Variants in CNTNAP5 observed in about 807,000 individuals in gnomAD.
The protein encoded by CNTNAP5 is contactin-associated protein-like 5.
Under a neutral mutation model 150.2 loss-of-function variants are expected in CNTNAP5, and 72 were observed. The ratio of observed to expected loss-of-function variants is 0.48; its 90% CI spans 0.40 to 0.58. The LOEUF (loss-of-function observed/expected upper bound fraction) is 0.58, where lower values mean the gene tolerates loss of function less well. CNTNAP5 is among the 20% of genes least tolerant of loss of function. CNTNAP5 has a pLI of 0.00. For synonymous variants in CNTNAP5, 672 were observed against 619.8 expected, an observed-to-expected ratio of 1.08 and a Z score of -1.25; for missense variants, 1,636 against 1,626.2, an observed-to-expected ratio of 1.01 and a Z score of -0.10.
At position 124,046,866 on chromosome 2, in the gene CNTNAP5, G is replaced by A. The variant is rs527501182; in HGVS notation, c.82+21134G>A. On this transcript the variant is annotated intron_variant, in intron 1 of 23. Transcript: ENST00000682447. ...AGGAAGTGAAGAAAGGCTGAGGCTG[G>A]ACTGGGAAAGGAGATGTAGCCTTGG... Among the ~76,000 whole-genome samples the A allele has an allele frequency of 2.5e-4, 38 of 152,298 alleles. No homozygotes were observed. In the South Asian group the frequency reaches 7.5e-3, roughly 30 times the overall value.
chr2:124,175,220 G>A (rs937432384), intron 1 of CNTNAP5, among the ~76,000 whole-genome samples: 1 of 152,090 alleles, frequency 6.6e-6, no homozygotes, highest in Middle Eastern at 3.2e-3. Context: ...ACACAAGTGG[G>A]ATCTACACAT....
chr2:124,205,813 C>T (rs924398815), intron 1 of CNTNAP5, among the ~76,000 whole-genome samples: 6 of 152,160 alleles, frequency 3.9e-5, no homozygotes, highest in Admixed American at 2.0e-4. Context: ...TTGCTGCCTC[C>T]TTTTTTTCTC....
chr2:124,291,187 A>C (rs2104634034), intron 3 of CNTNAP5, among the ~76,000 whole-genome samples: 1 of 152,224 alleles, frequency 6.6e-6, no homozygotes, highest in African/African-American at 2.4e-5. Flanking sequence ...AAATTGGCAA[A>C]GAGAAAACGG....
At chr2:124,505,601 G>A (rs1019680826) in intron 8 of CNTNAP5, among the ~76,000 whole-genome samples, 113 of 152,216 alleles carry the variant, frequency 7.4e-4, no homozygotes, top group African/African-American at 2.7e-3. Context: ...AGATCTTACT[G>A]CCTAGCAATA....
intron 3 of CNTNAP5, among the ~76,000 whole-genome samples, chr2:124,244,311 G>T (rs368101162): frequency 1.8e-4 from 28 of 152,178 alleles, no homozygotes; most frequent in African/African-American, 6.7e-4. Context: ...TTTAGCCCCT[G>T]TGCCCGGTAT....
At chr2:124,174,630 G>T (rs1685018365) in intron 1 of CNTNAP5, among the ~76,000 whole-genome samples, 1 of 152,128 alleles carries the variant, frequency 6.6e-6, no homozygotes, top group Admixed American at 6.5e-5. Context: ...ACTTATGGAT[G>T]AGCAAAAAAA....
At chr2:124,825,189 C>A (rs1682567815) in intron 19 of CNTNAP5, among the ~76,000 whole-genome samples, 2 of 152,126 alleles carry the variant, frequency 1.3e-5, no homozygotes, top group Non-Finnish European at 2.9e-5. Context: ...ACTCTATTTT[C>A]TTGTATACAA....
chr2:124,146,247 C>G (rs550240075), intron 1 of CNTNAP5, among the ~76,000 whole-genome samples: 1 of 152,324 alleles, frequency 6.6e-6, no homozygotes, highest in South Asian at 2.1e-4. Context: ...AGATGCCTAA[C>G]TGTGCCAAAA....
intron 11 of CNTNAP5, among the ~76,000 whole-genome samples, chr2:124,582,620 G>T (rs1163905024): frequency 6.6e-6 from 1 of 152,134 alleles, no homozygotes; most frequent in South Asian, 2.1e-4. Context: ...CTGATGGCCT[G>T]CTCAGGCTCT....
At chr2:124,040,541 CAT>C (rs35083154) in intron 1 of CNTNAP5, among the ~76,000 whole-genome samples, 1 of 150,972 alleles carries the variant, frequency 6.6e-6, no homozygotes, top group African/African-American at 2.4e-5. Context: ...TGTGTTTGTA[CAT>C]ATATATATGT....
chr2:124,064,509 T>G (rs1326999169), intron 1 of CNTNAP5, among the ~76,000 whole-genome samples: 1 of 152,156 alleles, frequency 6.6e-6, no homozygotes, highest in Non-Finnish European at 1.5e-5. Context: ...CATACCTGGA[T>G]CACTATTGTG....
At chr2:124,544,836 T>C (rs1398111452) in intron 10 of CNTNAP5, among the ~76,000 whole-genome samples, 3 of 152,190 alleles carry the variant, frequency 2.0e-5, no homozygotes, top group Non-Finnish European at 4.4e-5. Flanking sequence ...AATTCAGATC[T>C]GGTGTGGTAG....
intron 3 of CNTNAP5, among the ~76,000 whole-genome samples, chr2:124,312,559 ATTTGTTTG>A (rs758725424): frequency 0.013 from 1,892 of 144,748 alleles, 40 homozygotes; most frequent in African/African-American, 0.044. Flanking sequence ...TTGTTTGTTT[ATTTGTTTG>A]TTTGTTTGTT....
chr2:124,452,009 G>A (rs72843146), intron 6 of CNTNAP5, among the ~76,000 whole-genome samples: 11,346 of 152,098 alleles, frequency 0.075, 569 homozygotes, highest in Middle Eastern at 0.12. Flanking sequence ...GGTGAACTTC[G>A]TAACAATTTG....
In CNTNAP5 at chr2:124,232,979, C is replaced by T. The variant is rs58586322; in HGVS notation, c.188-9221C>T. Reference sequence around the variant, plus strand: ...TCCAGAACAGGGTGGTTACAAGATCCTTTACCCTATAATACTTTATTAAGC... The same window carrying T: ...TCCAGAACAGGGTGGTTACAAGATCTTTTACCCTATAATACTTTATTAAGC... On this transcript the variant is annotated intron_variant, in intron 2 of 23. Transcript: ENST00000682447. 8.4e-3 allele frequency among the ~76,000 whole-genome samples: 1,272 copies of T among 151,094 alleles called. 17 individuals carry two copies. The highest frequency in any genetic ancestry group is 0.029 in the African/African-American group (1,205 of 41,228).
intron 13 of CNTNAP5, among the ~76,000 whole-genome samples, chr2:124,660,080 AAGGG>A (rs1678555523): frequency 7.4e-6 from 1 of 134,388 alleles, no homozygotes; most frequent in South Asian, 2.6e-4. Context: ...GGAAGGAAGG[AAGGG>A]AGGGAGATAG....
At chr2:124,363,492 A>G (rs1304778471) in intron 3 of CNTNAP5, among the ~76,000 whole-genome samples, 2 of 152,168 alleles carry the variant, frequency 1.3e-5, no homozygotes, top group African/African-American at 2.4e-5. Context: ...CATTCTTCCA[A>G]TAGTTCCCAA....
At chr2:124,142,522 C>G (rs1267347283) in intron 1 of CNTNAP5, among the ~76,000 whole-genome samples, 11 of 144,102 alleles carry the variant, frequency 7.6e-5, no homozygotes, top group Non-Finnish European at 1.5e-5. Flanking sequence ...AACTGAACAA[C>G]CTGCTCCTGA....
chr2:124,240,952 C>T (rs779991), intron 2 of CNTNAP5, among the ~76,000 whole-genome samples: 59,586 of 151,902 alleles, frequency 0.39, 11,959 homozygotes, highest in East Asian at 0.6. Flanking sequence ...TGAAACATCG[C>T]TAAAATGATT....
Sources: gnomAD v4.1 joint callset for allele counts (sites outside exome capture counted in the v4.1 genomes callset) on GRCh38, gnomAD v4.1.1 for gene constraint, MANE v1.5 for transcripts, NCBI Gene and HGNC (gene_info 2026-07-23, HGNC 2026-07-21) for gene names.